Variants in SLC38A8 observed in about 807,000 individuals in gnomAD.
SLC38A8 encodes solute carrier family 38 member 8, also known as amino acid transporter SLC38A8.
SLC38A8 carries 65 observed loss-of-function variants against 46.0 expected under a neutral mutation model. The observed-to-expected ratio is 1.41, with a 90% confidence interval of 1.16 to 1.74. SLC38A8 has a LOEUF of 1.74. Ranked by LOEUF, SLC38A8 falls within the 40% of genes most tolerant of loss-of-function variation. The pLI, the probability that SLC38A8 is intolerant of heterozygous loss-of-function variation, is 0.00. For missense variants in SLC38A8, 998 were observed against 567.9 expected, an observed-to-expected ratio of 1.76 and a Z score of -7.70; for synonymous variants, 447 against 243.7, an observed-to-expected ratio of 1.83 and a Z score of -7.77.
chr16:84,020,622 G>T, intron 7 of SLC38A8, among the ~76,000 whole-genome samples: 1 of 152,236 alleles, frequency 6.6e-6, no homozygotes, highest in East Asian at 1.9e-4. Flanking sequence ...GGTGCAGCGA[G>T]GATCTCTGTG....
intron 3 of SLC38A8, among the ~76,000 whole-genome samples, chr16:84,034,177 T>C (rs922686674): frequency 6.6e-6 from 1 of 152,202 alleles, no homozygotes; most frequent in African/African-American, 2.4e-5. Context: ...CACCTCCAAC[T>C]TCTTCCATGG....
intron 3 of SLC38A8, 32 bp from the exon 4 acceptor site, chr16:84,033,501 G>T: frequency 6.4e-7 from 1 of 1,564,182 alleles, no homozygotes; most frequent in Non-Finnish European, 8.7e-7. Context: ...CTGAGCCACA[G>T]AGTACAAATG....
At chr16:84,043,243 C>T (rs2085386847), upstream of SLC38A8, among the ~76,000 whole-genome samples, 1 of 152,202 alleles carries the variant, frequency 6.6e-6, no homozygotes, top group Non-Finnish European at 1.5e-5. Flanking sequence ...TGAGTGATGA[C>T]ACATCTCTCC....
At chr16:84,026,021 G>A (rs2085160177) in intron 6 of SLC38A8, among the ~76,000 whole-genome samples, 1 of 152,244 alleles carries the variant, frequency 6.6e-6, no homozygotes, top group African/African-American at 2.4e-5. Context: ...GGACCTCCGT[G>A]CACCAGCACC....
intron 7 of SLC38A8, among the ~76,000 whole-genome samples, chr16:84,019,371 G>A (rs1289167775): frequency 2.0e-5 from 3 of 152,078 alleles, no homozygotes; most frequent in Non-Finnish European, 2.9e-5. Context: ...ACCGCACCCA[G>A]CCTCCAATAT....
chr16:84,015,953 A>G lies in SLC38A8; in HGVS notation c.1162+566T>C, dbSNP rs941677026. Reference sequence around the variant, plus strand: ...CTCGGCCTCCCAAAGTGCTGGGATTACAGGCGTGAGCCACTGTGCCCAGCC... The same window carrying G: ...CTCGGCCTCCCAAAGTGCTGGGATTGCAGGCGTGAGCCACTGTGCCCAGCC... On this transcript the variant is annotated intron_variant, in intron 9 of 10. Transcript: ENST00000299709. Among the ~76,000 whole-genome samples, 62 of 152,230 alleles carry G rather than the reference A, an allele frequency of 4.1e-4. 1 individual carries two copies. Among genetic ancestry groups the G allele is most frequent in the Non-Finnish European group, 5.9e-5 (4 of 68,038 alleles).
intron 9 of SLC38A8, among the ~76,000 whole-genome samples, chr16:84,014,872 C>T (rs972620194): frequency 6.6e-6 from 1 of 152,174 alleles, no homozygotes; most frequent in Non-Finnish European, 1.5e-5. Context: ...ATTCTTCCAT[C>T]GCCCCCCCAC....
At position 84,025,283 on chromosome 16, in the gene SLC38A8, G is replaced by A. The variant is rs527666068; in HGVS notation, c.691-2394C>T. Reference sequence around the variant, plus strand: ...ACGTGCCAAGGCCTCATTCCTGCCCGCCCTGTAGGGACCCTACGCAGGAAG... The same window carrying A: ...ACGTGCCAAGGCCTCATTCCTGCCCACCCTGTAGGGACCCTACGCAGGAAG... On this transcript the variant is annotated intron_variant, in intron 6 of 10. Transcript: ENST00000299709. Among the ~76,000 whole-genome samples the A allele has an allele frequency of 5.9e-4, 90 of 152,224 alleles. No individual in the cohort carries two copies. In the South Asian group the frequency reaches 9.7e-3, roughly 16 times the overall value.
At chr16:84,042,227 C>A (rs1028466531) in intron 1 of SLC38A8, 68 bp from the exon 2 acceptor site, 75 of 1,499,860 alleles carry the variant, frequency 5.0e-5, no homozygotes, top group Non-Finnish European at 5.8e-5. Flanking sequence ...TCTCGATATC[C>A]TTATTTGTCT....
At chr16:84,037,530 G>T (rs2085314528) in intron 2 of SLC38A8, among the ~76,000 whole-genome samples, 1 of 152,182 alleles carries the variant, frequency 6.6e-6, no homozygotes, top group Admixed American at 6.5e-5. Context: ...GGAGACCGAG[G>T]TAGGCGGATC....
rs535876107 is a variant in SLC38A8, at chr16:84,024,259, G to A, written c.691-1370C>T. On this transcript the variant is annotated intron_variant, in intron 6 of 10. Coordinates refer to ENST00000299709, the MANE Select transcript of SLC38A8 (RefSeq NM_001080442.3). ...GCTACTGACCAGAAAAGGTCATGAA[G>A]GGGTTCCCGGGGGCTTGACCATGTC... Among the ~76,000 whole-genome samples the A allele has an allele frequency of 7.2e-5, 11 of 152,344 alleles. No individual in the cohort carries two copies. In the East Asian group the frequency reaches 2.1e-3, roughly 29 times the overall value.
rs550605310 is a variant in SLC38A8, at chr16:84,040,219, C to T, written c.189+1750G>A. 5.9e-5 allele frequency among the ~76,000 whole-genome samples: 9 copies of T among 152,302 alleles called. No individual in the cohort carries two copies. The South Asian group carries it at 6.2e-4, about 11-fold the overall frequency. On this transcript the variant is annotated intron_variant, in intron 2 of 10. Coordinates refer to ENST00000299709, the MANE Select transcript of SLC38A8 (RefSeq NM_001080442.3). ...CACTCCAGCCCCAACTCCATCTCCC[C>T]GGTAGCCCTGGAGGCTAAAAGGAAC...
At chr16:84,022,180 C>T (rs1196256896) in intron 7 of SLC38A8, among the ~76,000 whole-genome samples, 2 of 152,166 alleles carry the variant, frequency 1.3e-5, no homozygotes, top group African/African-American at 4.8e-5. Context: ...CACTGCAGCC[C>T]AAGAGCTTCC....
chr16:84,042,191 C>T, intron 1 of SLC38A8, 32 bp from the exon 2 acceptor site: 2 of 1,581,064 alleles, frequency 1.3e-6, no homozygotes, highest in Non-Finnish European at 1.7e-6. Context: ...AGAGAAAGCA[C>T]AGTCTTCACG....
At chr16:84,042,318 G>T (rs1432096132) in intron 1 of SLC38A8, among the ~76,000 whole-genome samples, 159 bp from the exon 2 acceptor site, 1 of 152,100 alleles carries the variant, frequency 6.6e-6, no homozygotes, top group Non-Finnish European at 1.5e-5. Context: ...GGTGCTGCAT[G>T]CATCTGCCCA....
intron 2 of SLC38A8, 78 bp from the exon 3 acceptor site, chr16:84,036,978 A>T: frequency 1.4e-6 from 2 of 1,388,284 alleles, no homozygotes; most frequent in Non-Finnish European, 9.8e-7. Context: ...CCTCGGGCAC[A>T]CTCTCCACAT....
intron 6 of SLC38A8, among the ~76,000 whole-genome samples, chr16:84,025,335 CGCCTCAGG>C (rs2085149354): frequency 6.6e-6 from 1 of 152,176 alleles, no homozygotes; most frequent in Non-Finnish European, 1.5e-5. Context: ...CTTCCCTCCG[CGCCTCAGG>C]GCCTTTGCTA....
intron 6 of SLC38A8, among the ~76,000 whole-genome samples, chr16:84,023,107 A>C (rs1410664421): frequency 1.3e-5 from 2 of 152,076 alleles, no homozygotes. Flanking sequence ...AACACGCCAC[A>C]GTACCAGGCA....
intron 7 of SLC38A8, 65 bp downstream of exon 7, chr16:84,022,710 C>G (rs150458460): frequency 8.1e-7 from 1 of 1,230,356 alleles, no homozygotes; most frequent in South Asian, 1.2e-5. Flanking sequence ...GAGAGATACT[C>G]GCTGTTACTC....
Sources: allele counts gnomAD v4.1 joint callset (sites outside exome capture counted in the v4.1 genomes callset), GRCh38; gene constraint gnomAD v4.1.1; transcripts MANE v1.5; gene names NCBI Gene and HGNC (gene_info 2026-07-23, HGNC 2026-07-21).